Variants in NEK6 observed in about 807,000 individuals in gnomAD.
NEK6 encodes NIMA related kinase 6, also known as serine/threonine-protein kinase Nek6.
NEK6 carries 27 observed loss-of-function variants against 43.5 expected under a neutral mutation model. The observed-to-expected ratio is 0.62, with a 90% CI of 0.46 to 0.86. The LOEUF (loss-of-function observed/expected upper bound fraction) is 0.86. Ranked by LOEUF, NEK6 falls within the 40% of genes least tolerant of loss-of-function variation. NEK6 has a pLI of 0.00. For missense variants in NEK6, 318 were observed against 414.4 expected (o/e 0.77, Z 2.02); for synonymous variants, 167 against 164.1 (o/e 1.02, Z -0.14).
intron 1 of NEK6, among the ~76,000 whole-genome samples, chr9:124,271,738 GCTGCAT>G (rs1831445311): frequency 6.6e-6 from 1 of 152,252 alleles, no homozygotes; most frequent in South Asian, 2.1e-4. Context: ...CCCACCGTCT[GCTGCAT>G]CTGCATCTGC....
chr9:124,268,062 G>A (rs1273449510), intron 1 of NEK6, among the ~76,000 whole-genome samples: 3 of 152,198 alleles, frequency 2.0e-5, no homozygotes, highest in Non-Finnish European at 4.4e-5. Context: ...GGCTTATGGG[G>A]TGGCATCTTT....
At chr9:124,300,966 G>C (rs1832942903) in intron 1 of NEK6, among the ~76,000 whole-genome samples, 1 of 113,820 alleles carries the variant, frequency 8.8e-6, no homozygotes, top group South Asian at 2.3e-4. Flanking sequence ...CCAGAAACAG[G>C]GGCCCCATCA....
intron 1 of NEK6, chr9:124,300,182 C>G (rs1204603009): frequency 6.6e-6 from 1 of 152,154 alleles, no homozygotes; most frequent in African/African-American, 2.4e-5. Flanking sequence ...GGTGGACATC[C>G]TTTGACATGT....
At chr9:124,342,677 C>T (rs1221753304) in intron 8 of NEK6, among the ~76,000 whole-genome samples, 1 of 152,280 alleles carries the variant, frequency 6.6e-6, no homozygotes, top group South Asian at 2.1e-4. Flanking sequence ...AGCCCAGCCT[C>T]AGTCTCCGAG....
In NEK6 at chr9:124,281,871, C is replaced by G. The variant is rs559229565; in HGVS notation, c.-29-20065C>G. On this transcript the variant is annotated intron_variant, in intron 1 of 9. Coordinates refer to ENST00000320246, the MANE Select transcript of NEK6 (RefSeq NM_014397.6). ...TTAGATGCCAGAAAACTCTGGCAAC[C>G]TATGTCTATCTTCAAAATGTGGGAG... Among the ~76,000 whole-genome samples, 25 of 152,248 alleles carry G rather than the reference C, an allele frequency of 1.6e-4. No homozygotes were observed. The South Asian group carries it at 5.0e-3, about 30-fold the overall frequency.
At chr9:124,337,069 G>A (rs1829335326) in intron 7 of NEK6, among the ~76,000 whole-genome samples, 1 of 152,044 alleles carries the variant, frequency 6.6e-6, no homozygotes, top group African/African-American at 2.4e-5. Flanking sequence ...ATAGGAGAAT[G>A]TCAGGTTACA....
intron 1 of NEK6, among the ~76,000 whole-genome samples, chr9:124,297,325 T>G (rs1489438077): frequency 6.6e-6 from 1 of 152,226 alleles, no homozygotes; most frequent in Non-Finnish European, 1.5e-5. Flanking sequence ...CCTTCCCATG[T>G]GCCAGGCTCT....
rs1304923063 is a variant in NEK6, at chr9:124,339,562, G to A, written c.623-9G>A. On this transcript the variant is annotated splice_polypyrimidine_tract_variant and intron_variant, in intron 7 of 9. Transcript: ENST00000320246. ...AGCATAAGCAGCCCCGCCCCTTGCT[G>A]TGTTGCAGTGGGGACGCCCTACTAC... The A allele has an allele frequency of 6.2e-7, 1 of 1,608,612 alleles. No homozygotes were observed.
chr9:124,300,838 G>C lies in NEK6; in HGVS notation c.-29-1098G>C, dbSNP rs1295834252. Among the ~76,000 whole-genome samples, 5 of 152,332 alleles carry C rather than the reference G, an allele frequency of 3.3e-5. No individual in the cohort carries two copies. In the East Asian group the frequency reaches 7.7e-4, roughly 24 times the overall value. ...CCTCAGGACTTCTGGCTCTCCAGGGGTACAGCTGAGCTGCTCCAGGAGCCT... is the reference window on the plus strand; with the variant it reads ...CCTCAGGACTTCTGGCTCTCCAGGGCTACAGCTGAGCTGCTCCAGGAGCCT... On this transcript the variant is annotated intron_variant, in intron 1 of 9. Coordinates refer to ENST00000320246, the MANE Select transcript of NEK6 (RefSeq NM_014397.6).
In NEK6 at chr9:124,347,838, C is replaced by T; in HGVS notation, c.831+16C>T. 1 of 1,557,216 alleles carries T rather than the reference C, an allele frequency of 6.4e-7. No individual in the cohort carries two copies. The highest frequency in any genetic ancestry group is 8.8e-7 in the Non-Finnish European group (1 of 1,131,150). ...CTCCGAGAAGGTGAGTTTGCAGGAG[C>T]CGGAGGCCTCGCCAGCCCCAGGAGG... On this transcript the variant is annotated intron_variant, in intron 9 of 9. Coordinates refer to ENST00000320246, the MANE Select transcript of NEK6 (RefSeq NM_014397.6).
rs1830886278 is a variant in NEK6, at chr9:124,258,238, G to A, written c.-30+153G>A. Reference sequence around the variant, plus strand: ...AGAGCGGGAGGCGGGCGCGAGTGTGGCCGCGCGGGGCTGAGCGTGTCGGCG... The same window carrying A: ...AGAGCGGGAGGCGGGCGCGAGTGTGACCGCGCGGGGCTGAGCGTGTCGGCG... On this transcript the variant is annotated intron_variant, in intron 1 of 9. Transcript: ENST00000320246. The A allele has an allele frequency of 4.1e-6, 4 of 982,636 alleles. No individual in the cohort carries two copies. The South Asian group carries it at 1.8e-4, about 45-fold the overall frequency. 60.9% of individuals were successfully genotyped at this position (982,636 alleles called of 1,614,324 possible).
At chr9:124,284,478 C>G (rs901707471) in intron 1 of NEK6, among the ~76,000 whole-genome samples, 3 of 152,234 alleles carry the variant, frequency 2.0e-5, no homozygotes, top group Admixed American at 6.5e-5. Flanking sequence ...AGCGTGGCAG[C>G]GACCACGCAC....
At chr9:124,273,476 A>G (rs1415784826) in intron 1 of NEK6, among the ~76,000 whole-genome samples, 2 of 152,234 alleles carry the variant, frequency 1.3e-5, no homozygotes, top group African/African-American at 4.8e-5. Flanking sequence ...GACAGCGGGC[A>G]GTCAGGGCAC....
intron 8 of NEK6, among the ~76,000 whole-genome samples, chr9:124,344,133 G>A (rs1018773646): frequency 1.3e-5 from 2 of 152,146 alleles, no homozygotes; most frequent in Admixed American, 6.5e-5. Context: ...TCAGCCTGGC[G>A]TCTTCCCCTC....
At chr9:124,269,466 C>T (rs969045941) in intron 1 of NEK6, among the ~76,000 whole-genome samples, 4 of 152,008 alleles carry the variant, frequency 2.6e-5, no homozygotes, top group Non-Finnish European at 5.9e-5. Flanking sequence ...CTCTGCCTCC[C>T]GGGTTCAAGC....
Position 124,332,833 on chromosome 9 carries a change from G to A in NEK6, c.622+5388G>A, listed in dbSNP as rs147491766. Among the ~76,000 whole-genome samples the A allele has an allele frequency of 8.9e-3, 1,349 of 152,294 alleles. 10 individuals are homozygous for A. Among genetic ancestry groups the A allele is most frequent in the Non-Finnish European group, 0.015 (1,013 of 68,018 alleles). On this transcript the variant is annotated intron_variant, in intron 7 of 9. Transcript: ENST00000320246. ...TGATATCTGCTGGGTTTGAAATCGG[G>A]AGTTCTAGGTAAAGATTCCGGGAAG... is the stretch of plus-strand genomic sequence containing the variant.
At chr9:124,309,130 C>T (rs556748683) in intron 2 of NEK6, among the ~76,000 whole-genome samples, 7 of 152,328 alleles carry the variant, frequency 4.6e-5, no homozygotes, top group African/African-American at 7.2e-5. Flanking sequence ...CTGGGGACAG[C>T]GTCCTGTGGC....
intron 1 of NEK6, among the ~76,000 whole-genome samples, chr9:124,267,406 C>T (rs890112474): frequency 2.0e-5 from 3 of 152,162 alleles, no homozygotes; most frequent in Non-Finnish European, 4.4e-5. Flanking sequence ...GTGGGCACGG[C>T]GTGCCGGACT....
At chr9:124,340,239 A>G (rs891833428) in intron 8 of NEK6, among the ~76,000 whole-genome samples, 13 of 152,028 alleles carry the variant, frequency 8.6e-5, no homozygotes, top group African/African-American at 3.1e-4. Context: ...TCTGAGTTTC[A>G]GTGAGCCCAG....
Sources: gnomAD v4.1 joint callset for allele counts (sites outside exome capture counted in the v4.1 genomes callset) on GRCh38, gnomAD v4.1.1 for gene constraint, MANE v1.5 for transcripts, NCBI Gene and HGNC (gene_info 2026-07-23, HGNC 2026-07-21) for gene names.